NRXN1: variants seen among roughly 807,000 people sequenced by gnomAD.
NRXN1 encodes neurexin 1.
NRXN1 carries 39 observed loss-of-function variants against 150.9 expected under a neutral mutation model. The ratio of observed to expected loss-of-function variants is 0.26; its 90% confidence interval spans 0.20 to 0.34. The LOEUF is 0.34. NRXN1 is among the 10% of genes least tolerant of loss of function. NRXN1 has a pLI of 1.00. For synonymous variants in NRXN1, 924 were observed against 757.0 expected (o/e 1.22, Z -3.62); for missense variants, 1,815 against 1,949.9 (o/e 0.93, Z 1.30).
intron 5 of NRXN1, among the ~76,000 whole-genome samples, chr2:50,782,901 G>A (rs1043464783): frequency 6.6e-5 from 10 of 152,198 alleles, no homozygotes; most frequent in African/African-American, 2.2e-4. Flanking sequence ...AGGCAAAGCT[G>A]TTGAACAAAG....
intron 2 of NRXN1, among the ~76,000 whole-genome samples, chr2:51,004,477 G>T (rs1700455372): frequency 6.6e-6 from 1 of 151,788 alleles, no homozygotes; most frequent in Admixed American, 6.6e-5. Flanking sequence ...GACCATTTCA[G>T]AAAACTAGGC....
intron 21 of NRXN1, among the ~76,000 whole-genome samples, chr2:49,988,575 T>C (rs1306275501): frequency 6.6e-6 from 1 of 150,856 alleles, no homozygotes; most frequent in Non-Finnish European, 1.5e-5. Context: ...TCTTAGACAT[T>C]TTACCCTCCT....
At chr2:50,496,717 C>T (rs1479061034) in intron 14 of NRXN1, among the ~76,000 whole-genome samples, 4 of 152,148 alleles carry the variant, frequency 2.6e-5, no homozygotes, top group African/African-American at 9.7e-5. Flanking sequence ...CTGAGATGTG[C>T]ATACGGGTGG....
At chr2:50,400,187 GA>G (rs959461070) in intron 17 of NRXN1, among the ~76,000 whole-genome samples, 2 of 151,642 alleles carry the variant, frequency 1.3e-5, no homozygotes, top group African/African-American at 2.4e-5. Context: ...AATATGCTAG[GA>G]AAAAAAATCA....
At chr2:51,009,687 G>T (rs1158816663) in intron 2 of NRXN1, among the ~76,000 whole-genome samples, 2 of 151,950 alleles carry the variant, frequency 1.3e-5, no homozygotes, top group African/African-American at 4.8e-5. Context: ...GGCATTGAAA[G>T]AATGATAATA....
Position 50,538,555 on chromosome 2 carries a change from T to A in NRXN1, c.1841A>T (p.Tyr614Phe). 1 of 1,576,682 alleles carries A rather than the reference T, an allele frequency of 6.3e-7. No individual in the cohort carries two copies. Among genetic ancestry groups the A allele is most frequent in the Non-Finnish European group, 8.6e-7 (1 of 1,159,652 alleles). ...SEILDLDDELYLGGLPENKAG... is the reference protein window; with the variant it reads ...SEILDLDDELFLGGLPENKAG... ...TTTATTTTCTGGCAGCCCCCCCAGGTACAACTCATCATCCAGGTCCAGAAT... is the reference window on the plus strand; with the variant it reads ...TTTATTTTCTGGCAGCCCCCCCAGGAACAACTCATCATCCAGGTCCAGAAT... The change falls in exon 10 of 23, where the codon TAC becomes TTC. Residue 614 changes from tyrosine to phenylalanine, a missense_variant. By Grantham distance (22) the Tyr-to-Phe change is conservative. Transcript: ENST00000401669.
intron 18 of NRXN1, among the ~76,000 whole-genome samples, chr2:50,194,549 C>T (rs2061639144): frequency 6.6e-6 from 1 of 152,122 alleles, no homozygotes; most frequent in Non-Finnish European, 1.5e-5. Context: ...TGTTACAATT[C>T]ATACATGGAC....
chr2:50,216,145 C>A (rs1319771505), intron 18 of NRXN1, among the ~76,000 whole-genome samples: 3 of 151,896 alleles, frequency 2.0e-5, no homozygotes, highest in Non-Finnish European at 4.4e-5. Flanking sequence ...TGCTGGATGC[C>A]AGGAGTTTGA....
At chr2:50,467,147 A>G (rs2088972189) in intron 16 of NRXN1, among the ~76,000 whole-genome samples, 1 of 151,750 alleles carries the variant, frequency 6.6e-6, no homozygotes, top group African/African-American at 2.4e-5. Flanking sequence ...TTATCCTTGA[A>G]CTTACCAGAT....
chr2:50,504,184 T>C (rs1290611524), intron 13 of NRXN1, among the ~76,000 whole-genome samples: 1 of 147,760 alleles, frequency 6.8e-6, no homozygotes, highest in Admixed American at 6.7e-5. Flanking sequence ...GACTGCGCAC[T>C]GTGCTGGAGG....
chr2:50,836,303 A>G (rs1672094125), intron 5 of NRXN1, among the ~76,000 whole-genome samples: 1 of 152,108 alleles, frequency 6.6e-6, no homozygotes, highest in African/African-American at 2.4e-5. Flanking sequence ...AATGCTTCAT[A>G]TACTTACCAT....
chr2:50,059,883 T>C (rs577839534), intron 19 of NRXN1, among the ~76,000 whole-genome samples: 13 of 152,284 alleles, frequency 8.5e-5, no homozygotes, highest in African/African-American at 3.1e-4. Context: ...AGAGGATGTA[T>C]GAAAACACCT....
At chr2:50,374,149 T>A (rs1484806730) in intron 17 of NRXN1, among the ~76,000 whole-genome samples, 1 of 150,852 alleles carries the variant, frequency 6.6e-6, no homozygotes, top group African/African-American at 2.4e-5. Flanking sequence ...GAAAAAAAAA[T>A]AGCCGGCTGT....
intron 18 of NRXN1, among the ~76,000 whole-genome samples, chr2:50,162,684 A>C (rs2059433679): frequency 6.6e-6 from 1 of 152,176 alleles, no homozygotes. Context: ...GTATTTCACA[A>C]GAACATTTTT....
chr2:50,410,965 T>C (rs1379140509), intron 17 of NRXN1, among the ~76,000 whole-genome samples: 2 of 152,202 alleles, frequency 1.3e-5, no homozygotes, highest in Non-Finnish European at 2.9e-5. Flanking sequence ...AAGACAAACA[T>C]TTGCGTGTTT....
Position 50,346,739 on chromosome 2 carries a change from C to T in NRXN1, c.3365-109769G>A. ...GGTGACCTGTAGATTGCAATAGGCA[C>T]TGAATGATGCTTGCTGCTGCCATGG... is the stretch of plus-strand genomic sequence containing the variant. On this transcript the variant is annotated intron_variant, in intron 17 of 22. Coordinates refer to ENST00000401669, the MANE Select transcript of NRXN1 (RefSeq NM_001330078.2). This position sits in a 1 kb window ranked among gnomAD's most constrained non-coding sequence, Gnocchi z 5.0. 1 of 1,614,008 alleles carries T rather than the reference C, an allele frequency of 6.2e-7. No individual in the cohort carries two copies. Among genetic ancestry groups the T allele is most frequent in the Non-Finnish European group, 8.5e-7 (1 of 1,179,984 alleles).
At chr2:50,304,949 G>A (rs1457446550) in intron 17 of NRXN1, among the ~76,000 whole-genome samples, 1 of 152,084 alleles carries the variant, frequency 6.6e-6, no homozygotes, top group Non-Finnish European at 1.5e-5. Context: ...AATCAGCCGG[G>A]TGTGGTGGCG....
At chr2:51,001,239 G>GT (rs1558565220) in intron 2 of NRXN1, among the ~76,000 whole-genome samples, 2 of 122,436 alleles carry the variant, frequency 1.6e-5, no homozygotes, top group East Asian at 3.2e-4. Context: ...GGGGTTGGGG[G>GT]GGGGGGGCGT....
intron 5 of NRXN1, among the ~76,000 whole-genome samples, chr2:50,749,553 C>A (rs2105321500): frequency 1.3e-5 from 2 of 152,104 alleles, no homozygotes; most frequent in African/African-American, 4.8e-5. Context: ...AAGAAAATAT[C>A]TATTAAAGCA....
Sources: allele counts gnomAD v4.1 joint callset (sites outside exome capture counted in the v4.1 genomes callset), GRCh38; gene constraint gnomAD v4.1.1; non-coding constraint Gnocchi (gnomAD v3.1); transcripts MANE v1.5; gene names NCBI Gene and HGNC (gene_info 2026-07-23, HGNC 2026-07-21).